Variants in EYA2 observed in about 807,000 individuals in gnomAD.
The protein encoded by EYA2 is protein phosphatase EYA2.
EYA2 carries 31 observed loss-of-function variants against 69.2 expected under a neutral mutation model. The ratio of observed to expected loss-of-function variants is 0.45; its 90% CI spans 0.34 to 0.60. The LOEUF (loss-of-function observed/expected upper bound fraction) is 0.60, where lower values mean the gene tolerates loss of function less well. Ranked by LOEUF, EYA2 falls within the 20% of genes least tolerant of loss-of-function variation. EYA2 has a pLI of 0.02. For missense variants in EYA2, 622 were observed against 701.2 expected (o/e 0.89, Z 1.28); for synonymous variants, 257 against 279.4 (o/e 0.92, Z 0.80).
intron 1 of EYA2, among the ~76,000 whole-genome samples, chr20:46,923,499 A>G (rs561900142): frequency 6.6e-6 from 1 of 152,352 alleles, no homozygotes; most frequent in East Asian, 1.9e-4. Context: ...TGAATTGACA[A>G]ATTGTACTGT....
intron 6 of EYA2, among the ~76,000 whole-genome samples, chr20:47,073,871 C>T (rs1210309056): frequency 6.6e-6 from 1 of 152,070 alleles, no homozygotes; most frequent in African/African-American, 2.4e-5. Context: ...AGCTTTTCCT[C>T]ATAGGGCTCA....
At chr20:46,989,864 T>C in intron 1 of EYA2, 137 bp from the exon 2 acceptor site, 1 of 480,478 alleles carries the variant, frequency 2.1e-6, no homozygotes, top group Non-Finnish European at 3.9e-6. Flanking sequence ...GAGTGAATTT[T>C]TATCATGTAG....
chr20:47,079,084 A>G (rs1600692736), intron 7 of EYA2, among the ~76,000 whole-genome samples: 1 of 152,246 alleles, frequency 6.6e-6, no homozygotes, highest in Non-Finnish European at 1.5e-5. Context: ...ACAAAAATGC[A>G]TTTTGAAACT....
intron 1 of EYA2, among the ~76,000 whole-genome samples, chr20:46,953,715 G>A (rs1393654044): frequency 1.3e-5 from 2 of 152,140 alleles, no homozygotes; most frequent in Non-Finnish European, 2.9e-5. Flanking sequence ...CTGTCCACTG[G>A]GAAGTAAAAT....
intron 9 of EYA2, among the ~76,000 whole-genome samples, chr20:47,099,367 T>C (rs2032358479): frequency 1.3e-5 from 2 of 152,152 alleles, no homozygotes; most frequent in Admixed American, 6.5e-5. Context: ...CCCATCTCTT[T>C]AAAAAACTTA....
intron 5 of EYA2, among the ~76,000 whole-genome samples, chr20:47,030,664 A>C (rs1395006647): frequency 6.6e-6 from 1 of 152,218 alleles, no homozygotes; most frequent in Non-Finnish European, 1.5e-5. Context: ...TGGAGGTGCC[A>C]GCAGATTCTC....
At chr20:47,161,060 G>A (rs184716307) in intron 10 of EYA2, 22 of 298,034 alleles carry the variant, frequency 7.4e-5, no homozygotes, top group Middle Eastern at 1.0e-3. Context: ...CAGCTGCGGC[G>A]TAGCAGTCAT....
At chr20:46,944,742 G>T (rs1314399677) in intron 1 of EYA2, among the ~76,000 whole-genome samples, 1 of 152,182 alleles carries the variant, frequency 6.6e-6, no homozygotes, top group Non-Finnish European at 1.5e-5. Context: ...CAGGTATCCA[G>T]TAAAAAGGGA....
chr20:46,960,955 G>C (rs1056605028), intron 1 of EYA2, among the ~76,000 whole-genome samples: 22 of 152,286 alleles, frequency 1.4e-4, no homozygotes, highest in African/African-American at 4.6e-4. Context: ...GAGGTGCCTG[G>C]GAGGCTCTCT....
intron 15 of EYA2, 103 bp from the exon 16 acceptor site, chr20:47,187,950 T>C: frequency 1.6e-6 from 2 of 1,267,510 alleles, no homozygotes; most frequent in Non-Finnish European, 2.2e-6. Flanking sequence ...CCCCACGTGC[T>C]AGACTTAACT....
chr20:47,169,251 T>A, intron 11 of EYA2, 54 bp downstream of exon 11: 1 of 1,547,282 alleles, frequency 6.5e-7, no homozygotes, highest in South Asian at 1.1e-5. Flanking sequence ...GATTATCAAG[T>A]TATCCTTCTA....
At chr20:47,160,253 A>C (rs1426801935) in intron 10 of EYA2, among the ~76,000 whole-genome samples, 1 of 152,202 alleles carries the variant, frequency 6.6e-6, no homozygotes, top group African/African-American at 2.4e-5. Flanking sequence ...ACTTCTGTAA[A>C]GGACCAGATA....
intron 1 of EYA2, among the ~76,000 whole-genome samples, chr20:46,922,125 T>G (rs1306333772): frequency 6.6e-6 from 1 of 152,244 alleles, no homozygotes; most frequent in Non-Finnish European, 1.5e-5. Context: ...CTAGTGCATT[T>G]TCCACTTGGA....
Position 47,183,319 on chromosome 20 carries a change from G to T in EYA2, c.1464G>T (p.Met488Ile). Residue 488 changes from methionine to isoleucine, a missense_variant, in exon 15 of 16, where the codon ATG becomes ATT. Physicochemically the swap from Met to Ile is conservative, Grantham distance 10. Transcript: ENST00000327619. ...TGKESCFERIMQRFGRKAVYV... is the reference protein window; with the variant it reads ...TGKESCFERIIQRFGRKAVYV... The stretch of plus-strand genomic sequence containing the variant: ...AGGAGAGCTGCTTCGAGAGGATAAT[G>T]CAGAGATTCGGCAGAAAAGCTGTCT... 1 of 1,614,164 alleles carries T rather than the reference G, an allele frequency of 6.2e-7. No homozygotes were observed. Among genetic ancestry groups the T allele is most frequent in the East Asian group, 2.2e-5 (1 of 44,880 alleles).
chr20:46,967,911 C>A (rs1046420699), intron 1 of EYA2, among the ~76,000 whole-genome samples: 2 of 152,212 alleles, frequency 1.3e-5, no homozygotes, highest in African/African-American at 2.4e-5. Flanking sequence ...TCCCTCCTTG[C>A]AGGCCAACAG....
At chr20:46,930,128 A>G (rs937976302) in intron 1 of EYA2, among the ~76,000 whole-genome samples, 1 of 152,228 alleles carries the variant, frequency 6.6e-6, no homozygotes, top group African/African-American at 2.4e-5. Context: ...GTTACTTACC[A>G]GGAGGAACAG....
intron 9 of EYA2, among the ~76,000 whole-genome samples, chr20:47,135,818 C>CAAAAAAAAAAAAAAAAAAAAAAAAA (rs1201324879): frequency 1.8e-4 from 6 of 33,232 alleles, no homozygotes; most frequent in Admixed American, 3.3e-4. Flanking sequence ...CCTGTCTCTA[C>CAAAAAAAAAAAAAAAAAAAAAAAAA]AAAAAAAAAA....
chr20:46,918,988 G>A (rs779139350), intron 1 of EYA2, among the ~76,000 whole-genome samples: 3 of 152,226 alleles, frequency 2.0e-5, no homozygotes, highest in East Asian at 1.9e-4. Context: ...GGGTGACCAC[G>A]TGGACTGTTG....
At chr20:46,899,812 C>T (rs1984002783) in intron 1 of EYA2, among the ~76,000 whole-genome samples, 1 of 152,186 alleles carries the variant, frequency 6.6e-6, no homozygotes, top group Non-Finnish European at 1.5e-5. Context: ...TGGCAGGATC[C>T]AGGGGCTTCG....
Sources: gnomAD v4.1 joint callset for allele counts (sites outside exome capture counted in the v4.1 genomes callset) on GRCh38, gnomAD v4.1.1 for gene constraint, MANE v1.5 for transcripts, NCBI Gene and HGNC (gene_info 2026-07-23, HGNC 2026-07-21) for gene names.